The following PPP1CC variants were observed in gnomAD, a reference collection of about 807,000 sequenced individuals.
PPP1CC encodes protein phosphatase 1 catalytic subunit gamma, also known as serine/threonine-protein phosphatase PP1-gamma catalytic subunit.
A neutral mutation model predicts 38.4 loss-of-function variants in PPP1CC; 16 were observed. The ratio of observed to expected loss-of-function variants is 0.42; its 90% confidence interval spans 0.28 to 0.63. The LOEUF is 0.63. Ranked by LOEUF, PPP1CC falls within the 30% of genes least tolerant of loss-of-function variation. PPP1CC has a pLI of 0.25. For synonymous variants in PPP1CC, 158 were observed against 136.0 expected, an observed-to-expected ratio of 1.16 and a Z score of -1.13; for missense variants, 170 against 391.3, an observed-to-expected ratio of 0.43 and a Z score of 4.77.
chr12:110,733,323 CAG>C (rs2069902944), intron 1 of PPP1CC, among the ~76,000 whole-genome samples: 1 of 152,192 alleles, frequency 6.6e-6, no homozygotes, highest in Non-Finnish European at 1.5e-5. Flanking sequence ...TTTTTTTCAG[CAG>C]AGTCCCACAC....
At chr12:110,733,071 AG>A (rs2069898204) in intron 1 of PPP1CC, 1 of 152,250 alleles carries the variant, frequency 6.6e-6, no homozygotes, top group Non-Finnish European at 1.5e-5. Context: ...TTAATAAAAC[AG>A]CAACTGAGCA....
chr12:110,734,923 G>T (rs1279468326), intron 1 of PPP1CC: 1 of 146,928 alleles, frequency 6.8e-6, no homozygotes, highest in African/African-American at 2.5e-5. Context: ...CCGGGAGGTG[G>T]AGGTTGCAGT....
chr12:110,742,012 T>A (rs1346981748), intron 1 of PPP1CC, among the ~76,000 whole-genome samples: 2 of 152,006 alleles, frequency 1.3e-5, no homozygotes, highest in Non-Finnish European at 2.9e-5. Flanking sequence ...AGATGCACGC[T>A]CAGGAAAAGA....
At chr12:110,715,314 G>T (rs1011254038), downstream of PPP1CC, among the ~76,000 whole-genome samples, 1 of 152,062 alleles carries the variant, frequency 6.6e-6, no homozygotes, top group Non-Finnish European at 1.5e-5. Flanking sequence ...GAATGAATTT[G>T]AAATTCTATC....
At chr12:110,727,318 A>T (rs2069810612) in intron 3 of PPP1CC, among the ~76,000 whole-genome samples, 2 of 152,172 alleles carry the variant, frequency 1.3e-5, no homozygotes, top group Admixed American at 6.5e-5. Flanking sequence ...CTCCATCAAA[A>T]ATCAGTTTGT....
chr12:110,732,842 T>G (rs1281482567), intron 1 of PPP1CC: 2 of 152,182 alleles, frequency 1.3e-5, no homozygotes, highest in Non-Finnish European at 2.9e-5. Flanking sequence ...GGGAAAGAAA[T>G]TTTGTTTTGG....
At chr12:110,728,388 ACTCCGT>A (rs1251847990) in intron 3 of PPP1CC, among the ~76,000 whole-genome samples, 1 of 137,738 alleles carries the variant, frequency 7.3e-6, no homozygotes, top group African/African-American at 2.7e-5. Flanking sequence ...ACAGAGCGAG[ACTCCGT>A]CTCAAAAAAA....
the PPP1CC span, among the ~76,000 whole-genome samples, chr12:110,708,805 C>A: frequency 6.7e-6 from 1 of 148,246 alleles, no homozygotes; most frequent in African/African-American, 2.5e-5. Context: ...GAGCTGAGAT[C>A]GCACCACTGC....
chr12:110,712,190 G>C, the PPP1CC span, among the ~76,000 whole-genome samples: 14 of 152,142 alleles, frequency 9.2e-5, no homozygotes, highest in South Asian at 2.9e-3. Flanking sequence ...ATCTAGGTTT[G>C]TGTGGGGACA....
Position 110,731,654 on chromosome 12 carries a change from C to T in PPP1CC, c.187+116G>A, listed in dbSNP as rs551609085. ...CTATTTAACTTACTTTTAAGTAGTT[C>T]CAAGCTATTCGCAAACAGGATAATC... On this transcript the variant is annotated intron_variant, in intron 2 of 6. Transcript: ENST00000335007. The T allele has an allele frequency of 2.6e-5, 31 of 1,189,692 alleles. No homozygotes were observed. The South Asian group carries it at 5.4e-4, about 21-fold the overall frequency. The allele number at this position is 1,189,692 out of a possible 1,614,324, so 73.7% of individuals were successfully genotyped here. A position where few individuals can be genotyped will look rare whatever the true frequency, so the allele number is the denominator to read the frequency against.
chr12:110,736,010 C>G (rs531652145), intron 1 of PPP1CC, among the ~76,000 whole-genome samples: 1 of 151,996 alleles, frequency 6.6e-6, no homozygotes, highest in Non-Finnish European at 1.5e-5. Context: ...TTGCAGTGAG[C>G]CCAGATCGCA....
intron 1 of PPP1CC, among the ~76,000 whole-genome samples, chr12:110,734,401 T>C (rs1169066007): frequency 6.6e-6 from 1 of 152,218 alleles, no homozygotes; most frequent in Non-Finnish European, 1.5e-5. Flanking sequence ...TGGAGTGCAA[T>C]GGCACGATCT....
intron 1 of PPP1CC, 50 bp from the exon 2 acceptor site, chr12:110,731,951 C>T: frequency 6.3e-7 from 1 of 1,588,266 alleles, no homozygotes; most frequent in Non-Finnish European, 8.6e-7. Context: ...ATACAAAATA[C>T]AATACGAGAT....
chr12:110,732,563 G>C (rs1180722835), intron 1 of PPP1CC: 1 of 152,176 alleles, frequency 6.6e-6, no homozygotes, highest in Non-Finnish European at 1.5e-5. Context: ...ATTTCATTAA[G>C]AAAATGTTGG....
At chr12:110,734,784 T>C (rs890283718) in intron 1 of PPP1CC, 1 of 153,486 alleles carries the variant, frequency 6.5e-6, no homozygotes, top group Non-Finnish European at 1.5e-5. Flanking sequence ...CACGTTGAAT[T>C]GTCTAACAGA....
intron 3 of PPP1CC, among the ~76,000 whole-genome samples, chr12:110,729,541 T>C (rs1319198260): frequency 6.6e-6 from 1 of 152,244 alleles, no homozygotes; most frequent in Non-Finnish European, 1.5e-5. Context: ...CAAATCGAAG[T>C]ATACCTTTAA....
chr12:110,730,161 C>G (rs917207334), intron 3 of PPP1CC, among the ~76,000 whole-genome samples: 5 of 152,362 alleles, frequency 3.3e-5, no homozygotes, highest in Middle Eastern at 3.4e-3. Context: ...AGTTTCAGAT[C>G]AGCTTGGGCA....
chr12:110,714,854 A>ATGGTAAAC (rs1335655251), downstream of PPP1CC, among the ~76,000 whole-genome samples: 1 of 147,700 alleles, frequency 6.8e-6, no homozygotes, highest in Non-Finnish European at 1.5e-5. Context: ...TGATTTCATT[A>ATGGTAAAC]TGGTAAACTA....
chr12:110,738,907 C>T (rs1425218579), intron 1 of PPP1CC, among the ~76,000 whole-genome samples: 1 of 152,156 alleles, frequency 6.6e-6, no homozygotes, highest in Non-Finnish European at 1.5e-5. Flanking sequence ...AGGAAGTGGG[C>T]ATATGACCAA....
Sources: gnomAD v4.1 joint callset for allele counts (sites outside exome capture counted in the v4.1 genomes callset) on GRCh38, gnomAD v4.1.1 for gene constraint, MANE v1.5 for transcripts, NCBI Gene and HGNC (gene_info 2026-07-23, HGNC 2026-07-21) for gene names.